The following ADD3 variants were observed in gnomAD, a reference collection of about 807,000 sequenced individuals.
The protein encoded by ADD3 is adducin 3, also known as gamma-adducin.
ADD3 carries 25 observed loss-of-function variants against 80.2 expected under a neutral mutation model. The observed-to-expected ratio is 0.31, with a 90% confidence interval of 0.23 to 0.44. The LOEUF is 0.44. ADD3 is among the 20% of genes least tolerant of loss of function. The pLI, the probability that ADD3 is intolerant of heterozygous loss-of-function variation, is 1.00. For missense variants in ADD3, 829 were observed against 847.5 expected, an observed-to-expected ratio of 0.98 and a Z score of 0.27; for synonymous variants, 284 against 289.6, an observed-to-expected ratio of 0.98 and a Z score of 0.20.
intron 1 of ADD3, among the ~76,000 whole-genome samples, chr10:110,090,980 G>A (rs747429838): frequency 2.0e-5 from 3 of 152,084 alleles, no homozygotes; most frequent in Non-Finnish European, 4.4e-5. Flanking sequence ...AAGATAACAA[G>A]TCATTTCAAA....
At chr10:110,129,735 T>C (rs925860731) in intron 12 of ADD3, among the ~76,000 whole-genome samples, 13 of 152,248 alleles carry the variant, frequency 8.5e-5, no homozygotes, top group African/African-American at 3.1e-4. Flanking sequence ...GCTGTTCCAC[T>C]TGCATTCCAG....
chr10:110,062,205 A>C (rs1858995318), intron 1 of ADD3, among the ~76,000 whole-genome samples: 1 of 4,888 alleles, frequency 2.0e-4, no homozygotes, highest in African/African-American at 4.9e-4. Flanking sequence ...TCTACTAAAA[A>C]AAAAAAAAAA....
rs1853301210 is a variant in ADD3, at chr10:110,133,336, G to A, written c.1839G>A (p.Glu613=). The change falls in exon 15 of 15, where the codon GAG becomes GAA. Residue 613 remains glutamate (E), a synonymous_variant. Transcript: ENST00000356080. The part of the protein sequence containing the change: ...NVPEKLEENH[E]LFSKSFISME... Reference sequence around the variant, plus strand: ...CCTCCCCTTTCGTAGAAAACCATGAGCTGTTTTCCAAGAGCTTCATCTCCA... The same window carrying A: ...CCTCCCCTTTCGTAGAAAACCATGAACTGTTTTCCAAGAGCTTCATCTCCA... 7 of 1,580,050 alleles carry A rather than the reference G, an allele frequency of 4.4e-6. No individual in the cohort carries two copies. Among genetic ancestry groups the A allele is most frequent in the Admixed American group, 1.7e-5 (1 of 57,976 alleles).
intron 1 of ADD3, among the ~76,000 whole-genome samples, chr10:110,071,947 C>T (rs1382109266): frequency 6.6e-6 from 1 of 152,238 alleles, no homozygotes; most frequent in Non-Finnish European, 1.5e-5. Flanking sequence ...TTATCCCCAA[C>T]CTTGCCTTTT....
At chr10:110,061,646 A>G (rs983896765) in intron 1 of ADD3, among the ~76,000 whole-genome samples, 2 of 152,256 alleles carry the variant, frequency 1.3e-5, no homozygotes. Context: ...TTAAGGGTTA[A>G]CTATTTGCTT....
chr10:110,008,631 C>T (rs4918474), intron 1 of ADD3, among the ~76,000 whole-genome samples: 149,481 of 152,250 alleles, frequency 0.98, 73,434 homozygotes, highest in East Asian at 1. Flanking sequence ...CGGGGAGTAC[C>T]AAAATCAGTT....
intron 1 of ADD3, among the ~76,000 whole-genome samples, chr10:110,090,429 A>G (rs915876393): frequency 6.6e-6 from 1 of 151,920 alleles, no homozygotes; most frequent in African/African-American, 2.4e-5. Flanking sequence ...CCATGTTGCC[A>G]AGGCTTGTCT....
At chr10:110,089,767 T>C (rs2133853004) in intron 1 of ADD3, among the ~76,000 whole-genome samples, 1 of 151,928 alleles carries the variant, frequency 6.6e-6, no homozygotes, top group South Asian at 2.1e-4. Context: ...CATATTTACT[T>C]TTCCAAATGG....
rs527288611 is a variant in ADD3, at chr10:110,126,141, A to G, written c.1521+196A>G. 3.3e-5 allele frequency among the ~76,000 whole-genome samples: 5 copies of G among 152,338 alleles called. No homozygotes were observed. In the South Asian group the frequency reaches 1.0e-3, roughly 32 times the overall value. Reference sequence around the variant, plus strand: ...AATTGGTGAACAGGCTACATGGGGAAGATGTATTGAACATTTTTCTGCGTT... The same window carrying G: ...AATTGGTGAACAGGCTACATGGGGAGGATGTATTGAACATTTTTCTGCGTT... On this transcript the variant is annotated intron_variant, in intron 11 of 14. Coordinates refer to ENST00000356080, the MANE Select transcript of ADD3 (RefSeq NM_016824.5).
In ADD3 at chr10:110,133,639, T is replaced by C. The variant is rs765951386; in HGVS notation, c.*21T>C. On this transcript the variant is annotated 3_prime_UTR_variant, in exon 15 of 15. Coordinates refer to ENST00000356080, the MANE Select transcript of ADD3 (RefSeq NM_016824.5). ...CCTAAATAAAGTCTTTTTATAATTA[T>C]TATTATAACAATGTGACATTGCACA... 20 of 1,522,944 alleles carry C rather than the reference T, an allele frequency of 1.3e-5. No homozygotes were observed. In the East Asian group the frequency reaches 1.4e-4, roughly 10 times the overall value. The allele number at this position is 1,522,944 out of a possible 1,614,324, so 94.3% of individuals were successfully genotyped here.
chr10:110,107,027 G>A (rs761121117), intron 2 of ADD3, among the ~76,000 whole-genome samples: 31 of 152,078 alleles, frequency 2.0e-4, no homozygotes, highest in Non-Finnish European at 3.8e-4. Context: ...ATTGAGATCA[G>A]ATTCTTCACT....
At chr10:110,012,258 C>CT (rs1373613312) in intron 1 of ADD3, among the ~76,000 whole-genome samples, 6 of 152,050 alleles carry the variant, frequency 3.9e-5, no homozygotes, top group African/African-American at 1.4e-4. Context: ...GTTTGTGGAT[C>CT]TTTTATTTAT....
At chr10:110,111,874 T>C (rs1850066902) in intron 2 of ADD3, among the ~76,000 whole-genome samples, 1 of 151,594 alleles carries the variant, frequency 6.6e-6, no homozygotes, top group Non-Finnish European at 1.5e-5. Context: ...GATCGCGCCG[T>C]TGCACTCTAG....
chr10:110,078,794 T>C (rs910899399), intron 1 of ADD3, among the ~76,000 whole-genome samples: 9 of 152,232 alleles, frequency 5.9e-5, no homozygotes, highest in Admixed American at 4.6e-4. Context: ...TTGGTTACAA[T>C]GTACTGTCCC....
chr10:110,111,271 G>A (rs942990582), intron 2 of ADD3, among the ~76,000 whole-genome samples: 2 of 152,202 alleles, frequency 1.3e-5, no homozygotes, highest in Non-Finnish European at 2.9e-5. Flanking sequence ...TGCTACATAA[G>A]TAACTAATCT....
chr10:110,069,821 G>C (rs1320404415), intron 1 of ADD3, among the ~76,000 whole-genome samples: 1 of 152,140 alleles, frequency 6.6e-6, no homozygotes, highest in Non-Finnish European at 1.5e-5. Flanking sequence ...GTTTAAAAAA[G>C]AATATAAATG....
intron 3 of ADD3, among the ~76,000 whole-genome samples, chr10:110,113,840 T>G (rs546068088): frequency 2.4e-4 from 37 of 152,320 alleles, no homozygotes; most frequent in Non-Finnish European, 4.6e-4. Context: ...CCATTTGCAT[T>G]GCCAAGACAT....
intron 1 of ADD3, among the ~76,000 whole-genome samples, chr10:110,085,922 A>G (rs951239879): frequency 4.6e-5 from 7 of 151,912 alleles, no homozygotes; most frequent in African/African-American, 7.3e-5. Flanking sequence ...CCTGACCAAC[A>G]TGGAGAAACC....
chr10:110,010,620 G>C (rs1179073167), intron 1 of ADD3, among the ~76,000 whole-genome samples: 6 of 152,178 alleles, frequency 3.9e-5, no homozygotes, highest in Non-Finnish European at 7.4e-5. Context: ...ATTTGTAATA[G>C]CCAATATTTA....
Sources: allele counts gnomAD v4.1 joint callset (sites outside exome capture counted in the v4.1 genomes callset), GRCh38; gene constraint gnomAD v4.1.1; transcripts MANE v1.5; gene names NCBI Gene and HGNC (gene_info 2026-07-23, HGNC 2026-07-21).